Variants in VWC2 observed in about 807,000 individuals in gnomAD.
VWC2 encodes brorin.
In VWC2, 14 loss-of-function variants were observed where a neutral mutation model predicts 29.8. That is an observed-to-expected ratio of 0.47 (90% CI 0.31 to 0.74). The LOEUF (loss-of-function observed/expected upper bound fraction) is 0.74, where lower values mean the gene tolerates loss of function less well. Among genes scored for constraint, VWC2 ranks in the 30% least tolerant of loss-of-function variants. The pLI is 0.05. For synonymous variants in VWC2, 213 were observed against 199.0 expected, an observed-to-expected ratio of 1.07 and a Z score of -0.59; for missense variants, 457 against 459.8, an observed-to-expected ratio of 0.99 and a Z score of 0.05.
chr7:49,903,948 C>T (rs950031396), intron 3 of VWC2, among the ~76,000 whole-genome samples: 11 of 152,122 alleles, frequency 7.2e-5, no homozygotes, highest in Non-Finnish European at 1.0e-4. Flanking sequence ...ACATAGGGCT[C>T]ACAGATTGGT....
At chr7:49,802,933 CGTGA>C in intron 3 of VWC2, 93 bp downstream of exon 3, 1 of 1,533,518 alleles carries the variant, frequency 6.5e-7, no homozygotes, top group Non-Finnish European at 8.9e-7. Flanking sequence ...CATACGGATA[CGTGA>C]GTTTCATCCT....
intron 3 of VWC2, among the ~76,000 whole-genome samples, chr7:49,832,399 G>C (rs915419961): frequency 6.6e-6 from 1 of 152,076 alleles, no homozygotes; most frequent in Non-Finnish European, 1.5e-5. Context: ...CTGAGAAATA[G>C]AGAATTCTAT....
intron 3 of VWC2, among the ~76,000 whole-genome samples, chr7:49,804,750 G>A (rs1010148886): frequency 2.6e-5 from 4 of 152,026 alleles, no homozygotes; most frequent in South Asian, 2.1e-4. Flanking sequence ...ACACGTTGCC[G>A]TATTTGCTTT....
intron 3 of VWC2, among the ~76,000 whole-genome samples, chr7:49,875,022 G>A (rs1399852163): frequency 1.3e-5 from 2 of 151,852 alleles, no homozygotes; most frequent in East Asian, 3.9e-4. Flanking sequence ...AGAAAGAACT[G>A]GAAACAGTTT....
intron 3 of VWC2, among the ~76,000 whole-genome samples, chr7:49,874,180 C>CCA (rs139144140): frequency 0.034 from 5,059 of 149,530 alleles, 244 homozygotes; most frequent in African/African-American, 0.11. Context: ...ATGCACACAC[C>CCA]CACACACACA....
chr7:49,901,244 A>G (rs1052490725), intron 3 of VWC2: 13 of 152,030 alleles, frequency 8.6e-5, no homozygotes, highest in African/African-American at 2.4e-4. Flanking sequence ...AAGAAATAAA[A>G]TGTATACTGA....
At chr7:49,842,089 AAC>A in intron 3 of VWC2, among the ~76,000 whole-genome samples, 1 of 152,224 alleles carries the variant, frequency 6.6e-6, no homozygotes, top group South Asian at 2.1e-4. Context: ...GCTGGTCTTG[AAC>A]TCCTGACCTC....
rs567898737 is a variant in VWC2, at chr7:49,920,546, T to G, written c.*8361T>G. ...AGTCAGACTTAAGTCCACGGAAAGC[T>G]GGACCTAAGCAGTGAAGGATGTAAG... On this transcript the variant is annotated 3_prime_UTR_variant, in exon 4 of 4. Transcript: ENST00000340652. 2 of 152,208 alleles carry G rather than the reference T, an allele frequency of 1.3e-5. No individual in the cohort carries two copies. Among genetic ancestry groups the G allele is most frequent in the African/African-American group, 4.8e-5 (2 of 41,458 alleles). 9.4% of individuals were successfully genotyped at this position (152,208 alleles called of 1,614,324 possible).
intron 3 of VWC2, among the ~76,000 whole-genome samples, chr7:49,837,971 C>A (rs982836516): frequency 1.3e-5 from 2 of 152,202 alleles, no homozygotes; most frequent in Non-Finnish European, 2.9e-5. Context: ...CTATAACTTT[C>A]TTCCCTGTAC....
intron 3 of VWC2, among the ~76,000 whole-genome samples, chr7:49,876,899 T>C (rs1299978119): frequency 6.6e-6 from 1 of 152,094 alleles, no homozygotes; most frequent in Non-Finnish European, 1.5e-5. Context: ...TCTAAATTTA[T>C]CAGTGGGATC....
At chr7:49,922,031 A>G (rs1794041640), downstream of VWC2, 1 of 152,184 alleles carries the variant, frequency 6.6e-6, no homozygotes, top group Admixed American at 6.5e-5. Context: ...AAGCAAGATA[A>G]ATAAAATGTA....
chr7:49,837,284 G>T (rs957989854), intron 3 of VWC2, among the ~76,000 whole-genome samples: 2 of 152,220 alleles, frequency 1.3e-5, no homozygotes, highest in African/African-American at 4.8e-5. Flanking sequence ...TTGAGGAATA[G>T]AACTTAATTA....
At chr7:49,823,875 A>T (rs188208801) in intron 3 of VWC2, among the ~76,000 whole-genome samples, 1 of 152,284 alleles carries the variant, frequency 6.6e-6, no homozygotes, top group East Asian at 1.9e-4. Flanking sequence ...CATGTTGTTG[A>T]TAGCCATTTT....
At chr7:49,789,352 G>A (rs13438665) in intron 2 of VWC2, among the ~76,000 whole-genome samples, 14,259 of 149,572 alleles carry the variant, frequency 0.095, 2,078 homozygotes, top group African/African-American at 0.32. Flanking sequence ...TGTATATGTG[G>A]CTGTGTGTGT....
intron 3 of VWC2, among the ~76,000 whole-genome samples, chr7:49,892,856 T>A (rs975833783): frequency 6.6e-6 from 1 of 152,230 alleles, no homozygotes; most frequent in African/African-American, 2.4e-5. Context: ...TATGGTCAAG[T>A]GAATTTAGAA....
At position 49,781,604 on chromosome 7, in the gene VWC2, C is replaced by T. The variant is rs368466371; in HGVS notation, c.696+5473C>T. ...GGTGAAGACAGGATTTGAATCCTAG[C>T]GTGTTGGACTCTGAAGATCGTGCAT... On this transcript the variant is annotated intron_variant, in intron 2 of 3. Coordinates refer to ENST00000340652, the MANE Select transcript of VWC2 (RefSeq NM_198570.5). 5.6e-4 allele frequency among the ~76,000 whole-genome samples: 85 copies of T among 152,182 alleles called. 2 individuals carry two copies. The South Asian group carries it at 0.016, about 29-fold the overall frequency.
Position 49,921,220 on chromosome 7 carries a change from C to G in VWC2, c.*9035C>G, listed in dbSNP as rs1454247292. Reference sequence around the variant, plus strand: ...AATGCCCATGATGCTTTCAGGAAACCAGGGTGAGAACATGCTGGCTGGAGG... The same window carrying G: ...AATGCCCATGATGCTTTCAGGAAACGAGGGTGAGAACATGCTGGCTGGAGG... On this transcript the variant is annotated 3_prime_UTR_variant, in exon 4 of 4. Coordinates refer to ENST00000340652, the MANE Select transcript of VWC2 (RefSeq NM_198570.5). The G allele has an allele frequency of 1.3e-5, 2 of 152,158 alleles. No individual in the cohort carries two copies. Among genetic ancestry groups the G allele is most frequent in the African/African-American group, 2.4e-5 (1 of 41,414 alleles). The allele number at this position is 152,158 out of a possible 1,614,324, so 9.4% of individuals were successfully genotyped here. A position where few individuals can be genotyped will look rare whatever the true frequency, so the allele number is the denominator to read the frequency against.
At chr7:49,864,669 C>G (rs867869165) in intron 3 of VWC2, among the ~76,000 whole-genome samples, 2 of 152,292 alleles carry the variant, frequency 1.3e-5, no homozygotes, top group Middle Eastern at 6.8e-3. Context: ...AAAACAGAGG[C>G]CTGCATCTTC....
At chr7:49,889,690 CT>C (rs1487391967) in intron 3 of VWC2, among the ~76,000 whole-genome samples, 6 of 152,186 alleles carry the variant, frequency 3.9e-5, no homozygotes, top group African/African-American at 1.4e-4. Context: ...TTTCACGTTG[CT>C]TTTGCCAGTG....
Sources: allele counts gnomAD v4.1 joint callset (sites outside exome capture counted in the v4.1 genomes callset), GRCh38; gene constraint gnomAD v4.1.1; transcripts MANE v1.5; gene names NCBI Gene and HGNC (gene_info 2026-07-23, HGNC 2026-07-21).